The following KIF2C variants were observed in gnomAD, a reference collection of about 807,000 sequenced individuals.
KIF2C encodes the protein kinesin-like protein KIF2C.
Under a neutral mutation model 97.4 loss-of-function variants are expected in KIF2C, and 34 were observed. The observed-to-expected ratio is 0.35, with a 90% CI of 0.27 to 0.46. The LOEUF is 0.46. Among genes scored for constraint, KIF2C ranks in the 20% least tolerant of loss-of-function variants. The probability of loss-of-function intolerance (pLI) is 1.00; values close to 1 mark genes in which losing one functional copy is unlikely to be tolerated. For synonymous variants in KIF2C, 313 were observed against 318.2 expected, an observed-to-expected ratio of 0.98 and a Z score of 0.17; for missense variants, 750 against 907.6, an observed-to-expected ratio of 0.83 and a Z score of 2.23.
intron 19 of KIF2C, among the ~76,000 whole-genome samples, chr1:44,766,387 G>A (rs1200484989): frequency 8.6e-5 from 13 of 152,046 alleles, no homozygotes; most frequent in Non-Finnish European, 8.8e-5. Flanking sequence ...CGAGGCCTGC[G>A]GATCACCTGA....
Position 44,760,898 on chromosome 1 carries a change from G to C in KIF2C, c.1683+196G>C. The C allele has an allele frequency of 1.7e-6, 1 of 577,518 alleles. No homozygotes were observed. The highest frequency in any genetic ancestry group is 3.1e-6 in the Non-Finnish European group (1 of 322,188). The allele number at this position is 577,518 out of a possible 1,614,324, so 35.8% of individuals were successfully genotyped here. A position where few individuals can be genotyped will look rare whatever the true frequency, so the allele number is the denominator to read the frequency against. On this transcript the variant is annotated intron_variant, in intron 16 of 20. Transcript: ENST00000372224. The surrounding 1 kb of genome is among the most constrained non-coding windows in gnomAD (Gnocchi z 4.2). ...TGGCCTAACCAAGCGTGGAGGAAAG[G>C]ATCTATTCCCTTTAAGATGTGTAGG...
Position 44,739,930 on chromosome 1 carries a change from C to G in KIF2C, c.-3C>G, listed in dbSNP as rs371334228. 5 of 1,614,020 alleles carry G rather than the reference C, an allele frequency of 3.1e-6. No individual in the cohort carries two copies. The highest frequency in any genetic ancestry group is 1.1e-5 in the South Asian group (1 of 91,080). On this transcript the variant is annotated 5_prime_UTR_variant, in exon 1 of 21. Coordinates refer to ENST00000372224, the MANE Select transcript of KIF2C (RefSeq NM_006845.4). ...GCGTTTCTCTTCCTTGCTGACTCTC[C>G]GAATGGCCATGGACTCGTCGCTTCA...
Position 44,767,092 on chromosome 1 carries a change from T to A in KIF2C, c.2096-5T>A. ...CCCCATATGTACCGCTACCCTTTCTTCCAGATGTCATCAAGGCCTTGCGCC... is the reference window on the plus strand; with the variant it reads ...CCCCATATGTACCGCTACCCTTTCTACCAGATGTCATCAAGGCCTTGCGCC... On this transcript the variant is annotated splice_region_variant and splice_polypyrimidine_tract_variant and intron_variant, in intron 20 of 20. Transcript: ENST00000372224. 1 of 1,614,026 alleles carries A rather than the reference T, an allele frequency of 6.2e-7. No individual in the cohort carries two copies. The highest frequency in any genetic ancestry group is 8.5e-7 in the Non-Finnish European group (1 of 1,179,940).
chr1:44,753,391 G>A (rs975998947), intron 6 of KIF2C, 137 bp downstream of exon 6: 82 of 974,064 alleles, frequency 8.4e-5, no homozygotes, highest in Non-Finnish European at 1.1e-4. Flanking sequence ...CTCTGGCCAT[G>A]GAATCAGTCT....
intron 19 of KIF2C, among the ~76,000 whole-genome samples, chr1:44,763,628 A>G (rs1227265815): frequency 2.0e-5 from 3 of 152,204 alleles, no homozygotes; most frequent in African/African-American, 7.2e-5. Flanking sequence ...GAGTGGTGAC[A>G]TGGGCATGTC....
chr1:44,745,567 G>A (rs1039040409), intron 2 of KIF2C, among the ~76,000 whole-genome samples: 1 of 135,842 alleles, frequency 7.4e-6, no homozygotes, highest in South Asian at 2.4e-4. Context: ...TCCGCCTCCC[G>A]GGTTCAAGCG....
Position 44,758,092 on chromosome 1 carries a change from G to A in KIF2C, c.1176G>A (p.Lys392=), listed in dbSNP as rs752542936. Reference sequence around the variant, plus strand: ...TGAAGAATCAACCCTGCTACCGGAAGTTGGGCCTGGAAGTCTATGTGACAT... The same window carrying A: ...TGAAGAATCAACCCTGCTACCGGAAATTGGGCCTGGAAGTCTATGTGACAT... ...FLLKNQPCYR[K]LGLEVYVTFF... Residue 392 remains lysine, a synonymous_variant, in exon 13 of 21, where the codon AAG becomes AAA. Transcript: ENST00000372224. 6.2e-7 allele frequency: 1 copy of A among 1,614,196 alleles called. No homozygotes were observed. The highest frequency in any genetic ancestry group is 1.7e-5 in the Admixed American group (1 of 60,016).
chr1:44,753,298 C>T (rs1649629113), intron 6 of KIF2C, 44 bp downstream of exon 6: 10 of 1,581,810 alleles, frequency 6.3e-6, no homozygotes, highest in Middle Eastern at 1.7e-4. Context: ...TAGTGAGGCA[C>T]AGATAGTTTA....
In KIF2C at chr1:44,759,300, A is replaced by T. The variant is rs754269136; in HGVS notation, c.1319A>T (p.Asn440Ile). The T allele has an allele frequency of 1.2e-6, 2 of 1,613,968 alleles. No individual in the cohort carries two copies. Among genetic ancestry groups the T allele is most frequent in the African/African-American group, 2.7e-5 (2 of 74,896 alleles). Reference sequence around the variant, plus strand: ...GTGGGGCTGCAGGAGCATCTGGTTAACTCTGCTGATGATGTCATCAAGATG... The same window carrying T: ...GTGGGGCTGCAGGAGCATCTGGTTATCTCTGCTGATGATGTCATCAAGATG... ...QVVGLQEHLV[N>I]SADDVIKMID... Residue 440 changes from asparagine (N) to isoleucine (I), a missense_variant, in exon 14 of 21, where the codon AAC becomes ATC. Asn to Ile is a moderately radical substitution (Grantham distance 149). Coordinates refer to ENST00000372224, the MANE Select transcript of KIF2C (RefSeq NM_006845.4).
rs1052791060 is a variant in KIF2C at position 44,762,173 on chromosome 1, A to G, written c.1752-173A>G. 31 of 844,650 alleles carry G rather than the reference A, an allele frequency of 3.7e-5. No homozygotes were observed. In the Admixed American group the frequency reaches 5.8e-4, roughly 16 times the overall value. 52.3% of individuals were successfully genotyped at this position (844,650 alleles called of 1,614,324 possible). ...CCTCTCCGGGCCCTGCTGGAGAGTC[A>G]GCTGGGTGAGGGGCTTTTCCAGTCC... On this transcript the variant is annotated intron_variant, in intron 17 of 20. Transcript: ENST00000372224.
intron 1 of KIF2C, among the ~76,000 whole-genome samples, chr1:44,740,371 G>T (rs1648873119): frequency 6.6e-6 from 1 of 152,186 alleles, no homozygotes; most frequent in Non-Finnish European, 1.5e-5. Context: ...ATATTGCGCA[G>T]TTGCGGTATG....
Position 44,753,146 on chromosome 1 carries a change from C to T in KIF2C, c.454C>T (p.Pro152Ser). The T allele has an allele frequency of 6.2e-7, 1 of 1,612,720 alleles. No individual in the cohort carries two copies. Among genetic ancestry groups the T allele is most frequent in the Non-Finnish European group, 8.5e-7 (1 of 1,179,212 alleles). ...QFSVPPAPTRPSCPAVAEIPL... is the reference protein window; with the variant it reads ...QFSVPPAPTRSSCPAVAEIPL... ...TTCCCCTACAGCTGCCCCCACTAGG[C>T]CTTCCTGCCCTGCAGTGGCTGAAAT... The change falls in exon 6 of 21, where the codon CCT (proline) becomes TCT (serine). Residue 152 changes from proline (P) to serine (S), a missense_variant. By Grantham distance (74) the Pro-to-Ser change is moderately conservative. Coordinates refer to ENST00000372224, the MANE Select transcript of KIF2C (RefSeq NM_006845.4).
rs993282915 is a variant in KIF2C, at chr1:44,764,323, G to A, written c.1971+1665G>A. Among the ~76,000 whole-genome samples, 79 of 151,818 alleles carry A rather than the reference G, an allele frequency of 5.2e-4. 1 individual carries two copies. The highest frequency in any genetic ancestry group is 1.7e-3 in the African/African-American group (71 of 41,346). On this transcript the variant is annotated intron_variant, in intron 19 of 20. Coordinates refer to ENST00000372224, the MANE Select transcript of KIF2C (RefSeq NM_006845.4). ...CCTGCGTACCTGGGATTACAGGTGC[G>A]TGCCACCATGCCTGGCTAATTTTTT...
At chr1:44,749,133 T>C (rs1379473765) in intron 4 of KIF2C, among the ~76,000 whole-genome samples, 1 of 151,684 alleles carries the variant, frequency 6.6e-6, no homozygotes, top group African/African-American at 2.4e-5. Context: ...CCTGTCTCTA[T>C]TCAAAATACA....
At chr1:44,758,022 T>C in intron 12 of KIF2C, 27 bp from the exon 13 acceptor site, 1 of 1,614,130 alleles carries the variant, frequency 6.2e-7, no homozygotes, top group Non-Finnish European at 8.5e-7. Flanking sequence ...AGGCAGGTTG[T>C]TTGCTTAGCA....
At chr1:44,746,879 G>T in intron 2 of KIF2C, 1 of 1,057,882 alleles carries the variant, frequency 9.5e-7, no homozygotes. Flanking sequence ...TTTTTTCTAT[G>T]TTGTTTTTTT....
rs1649465828 is a variant in KIF2C at position 44,750,699 on chromosome 1, G to A, written c.439+135G>A. 3 of 1,030,814 alleles carry A rather than the reference G, an allele frequency of 2.9e-6. No individual in the cohort carries two copies. In the Admixed American group the frequency reaches 1.0e-4, roughly 35 times the overall value. 63.9% of individuals were successfully genotyped at this position (1,030,814 alleles called of 1,614,324 possible). On this transcript the variant is annotated intron_variant, in intron 5 of 20. Transcript: ENST00000372224. Reference sequence around the variant, plus strand: ...GGTCTGCTCCTGCCCTACCAACACGGCTTTCTTATTTGGAAATCATCTCTT... The same window carrying A: ...GGTCTGCTCCTGCCCTACCAACACGACTTTCTTATTTGGAAATCATCTCTT...
At chr1:44,761,098 G>T in intron 16 of KIF2C, 1 of 208,658 alleles carries the variant, frequency 4.8e-6, no homozygotes, top group Non-Finnish European at 9.8e-6. Context: ...GGATCATAAG[G>T]CTGTGTCCTT....
chr1:44,742,415 TG>T (rs1182241933), intron 2 of KIF2C, among the ~76,000 whole-genome samples: 3 of 151,452 alleles, frequency 2.0e-5, no homozygotes, highest in Admixed American at 6.6e-5. Context: ...GGCTCTGGTA[TG>T]TTTGTAGAAA....
Sources: gnomAD v4.1 joint callset for allele counts (sites outside exome capture counted in the v4.1 genomes callset) on GRCh38, gnomAD v4.1.1 for gene constraint, Gnocchi (gnomAD v3.1) non-coding constraint, MANE v1.5 for transcripts, NCBI Gene and HGNC (gene_info 2026-07-23, HGNC 2026-07-21) for gene names.